SSC4D: variants seen among roughly 807,000 people sequenced by gnomAD.
SSC4D encodes the protein scavenger receptor cysteine-rich domain-containing group B protein.
In SSC4D, 57 loss-of-function variants were observed where a neutral mutation model predicts 63.4. That is an observed-to-expected ratio of 0.90 (90% CI 0.73 to 1.12). The LOEUF (loss-of-function observed/expected upper bound fraction) is 1.12. Among genes scored for constraint, SSC4D ranks in the 50% most tolerant of loss-of-function variants. The pLI is 0.00. For missense variants in SSC4D, 791 were observed against 806.4 expected, an observed-to-expected ratio of 0.98 and a Z score of 0.23; for synonymous variants, 352 against 345.4, an observed-to-expected ratio of 1.02 and a Z score of -0.21.
At chr7:76,395,214 T>A (rs1804608527) in intron 7 of SSC4D, 39 bp downstream of exon 7, 2 of 1,609,378 alleles carry the variant, frequency 1.2e-6, no homozygotes, top group Non-Finnish European at 1.7e-6. Flanking sequence ...GCACCCACCA[T>A]ACCCCTACCA....
chr7:76,408,611 G>A (rs951158663), intron 1 of SSC4D, among the ~76,000 whole-genome samples: 4 of 152,076 alleles, frequency 2.6e-5, no homozygotes, highest in East Asian at 1.9e-4. Flanking sequence ...CAGCCCAGGC[G>A]TGAGGGAGAA....
In SSC4D at chr7:76,391,979, G is replaced by A. The variant is rs779007416; in HGVS notation, c.1396C>T (p.Pro466Ser). 1.5e-5 allele frequency: 24 copies of A among 1,595,392 alleles called. No individual in the cohort carries two copies. In the South Asian group the frequency reaches 1.7e-4, roughly 11 times the overall value. The change falls in exon 10 of 11, where the codon CCT (proline) becomes TCT (serine). Residue 466 changes from proline to serine, a missense_variant. Physicochemically the swap from Pro to Ser is moderately conservative, Grantham distance 74. Transcript: ENST00000275560. ...GGGCACCTACCGTCCCTGGGCCGAGGAGTGGGCACCCGCGTGGTCTCAGAA... is the reference window on the plus strand; with the variant it reads ...GGGCACCTACCGTCCCTGGGCCGAGAAGTGGGCACCCGCGTGGTCTCAGAA... ...DGSETTRVPTPRPRDGHLRLV... is the reference protein window; with the variant it reads ...DGSETTRVPTSRPRDGHLRLV...
chr7:76,402,101 C>T (rs1374336484), intron 2 of SSC4D, among the ~76,000 whole-genome samples: 3 of 151,830 alleles, frequency 2.0e-5, no homozygotes, highest in Non-Finnish European at 2.9e-5. Context: ...CTCACTGCAC[C>T]CTCCAATACC....
intron 7 of SSC4D, 26 bp from the exon 8 acceptor site, chr7:76,393,930 T>C (rs767659034): frequency 2.5e-6 from 4 of 1,579,662 alleles, no homozygotes; most frequent in Non-Finnish European, 3.4e-6. Context: ...ATCTAGGGCG[T>C]TCGAAGGGGA....
chr7:76,400,895 G>T, intron 3 of SSC4D, 113 bp downstream of exon 3: 1 of 1,384,102 alleles, frequency 7.2e-7, no homozygotes, highest in Non-Finnish European at 1.0e-6. Flanking sequence ...CTGAGATGGG[G>T]GCATCTAGAG....
In SSC4D at chr7:76,389,753, G is replaced by A. The variant is rs544989822; in HGVS notation, c.*306C>T. On this transcript the variant is annotated 3_prime_UTR_variant, in exon 11 of 11. Coordinates refer to ENST00000275560, the MANE Select transcript of SSC4D (RefSeq NM_080744.2). ...GGCAGAGTCTGGTGCTATAAAAAGAGCCCCACCAAACAGAAGAGTTAGGAA... is the reference window on the plus strand; with the variant it reads ...GGCAGAGTCTGGTGCTATAAAAAGAACCCCACCAAACAGAAGAGTTAGGAA... 1.3e-4 allele frequency: 50 copies of A among 372,594 alleles called. No individual in the cohort carries two copies. The highest frequency in any genetic ancestry group is 1.9e-4 in the Non-Finnish European group (39 of 203,264). The allele number at this position is 372,594 out of a possible 1,614,324, so 23.1% of individuals were successfully genotyped here.
At chr7:76,395,779 C>T (rs575618015) in intron 6 of SSC4D, among the ~76,000 whole-genome samples, 4 of 152,356 alleles carry the variant, frequency 2.6e-5, no homozygotes, top group Admixed American at 1.3e-4. Flanking sequence ...GCAACCTCCG[C>T]CTCCCAGGTT....
At chr7:76,396,831 T>C (rs1327233426) in intron 6 of SSC4D, among the ~76,000 whole-genome samples, 1 of 152,146 alleles carries the variant, frequency 6.6e-6, no homozygotes, top group African/African-American at 2.4e-5. Context: ...CCCTCCCAAA[T>C]TGGAGAGGGC....
At chr7:76,391,401 G>A (rs1057472486) in intron 10 of SSC4D, among the ~76,000 whole-genome samples, 1 of 152,036 alleles carries the variant, frequency 6.6e-6, no homozygotes, top group Non-Finnish European at 1.5e-5. Context: ...CTCCAGCCTG[G>A]GTGACAGAGC....
chr7:76,390,217 C>G lies in SSC4D; in HGVS notation c.1570G>C (p.Gly524Arg). 6.2e-7 allele frequency: 1 copy of G among 1,614,174 alleles called. No individual in the cohort carries two copies. The highest frequency in any genetic ancestry group is 8.5e-7 in the Non-Finnish European group (1 of 1,180,012). The change falls in exon 11 of 11, where the codon GGC (glycine) becomes CGC (arginine). Residue 524 changes from glycine to arginine, a missense_variant. Gly to Arg is a moderately radical substitution (Grantham distance 125, BLOSUM62 -2). Transcript: ENST00000275560. ...LGCGQALAAPGEAHFGPGRGP... is the reference protein window; with the variant it reads ...LGCGQALAAPREAHFGPGRGP... ...CGGCCTGGGCCAAAGTGAGCCTCGC[C>G]AGGGGCTGCGAGGGCCTGGCCACAG...
Position 76,393,364 on chromosome 7 carries a change from C to G in SSC4D, c.1333+41G>C, listed in dbSNP as rs912806120. The G allele has an allele frequency of 5.3e-6, 7 of 1,324,064 alleles. No homozygotes were observed. The South Asian group carries it at 8.3e-5, about 16-fold the overall frequency. The allele number at this position is 1,324,064 out of a possible 1,614,324, so 82.0% of individuals were successfully genotyped here. On this transcript the variant is annotated intron_variant, in intron 9 of 10. Transcript: ENST00000275560. ...GCCCCGCCCCTCCCACGCCGCAGTG[C>G]GCGGCCCCGCTGTCAGCCTCACCTT...
In SSC4D at chr7:76,397,724, G is replaced by A. The variant is rs1225574348; in HGVS notation, c.662C>T (p.Pro221Leu). ...GTVCDDDWGL[P>L]DAAVVCRQLG... ...CTGACGACAGACCACAGCGGCATCC[G>A]GCAGCCCCCAGTCGTCGTCACACAC... The change falls in exon 6 of 11, where the codon CCG becomes CTG. Residue 221 changes from proline (P) to leucine (L), a missense_variant. Physicochemically the swap from Pro to Leu is moderately conservative, Grantham distance 98. Transcript: ENST00000275560. 23 of 1,613,200 alleles carry A rather than the reference G, an allele frequency of 1.4e-5. No individual in the cohort carries two copies. Among genetic ancestry groups the A allele is most frequent in the Non-Finnish European group, 1.9e-5 (23 of 1,179,824 alleles).
intron 7 of SSC4D, among the ~76,000 whole-genome samples, chr7:76,394,761 AT>A (rs1235583699): frequency 8.4e-4 from 120 of 143,152 alleles, no homozygotes; most frequent in South Asian, 3.7e-3. Flanking sequence ...ATATATATAT[AT>A]ATATATAAAA....
At position 76,409,510 on chromosome 7, in the gene SSC4D, A is replaced by T; in HGVS notation, c.-163T>A. 1 of 152,298 alleles carries T rather than the reference A, an allele frequency of 6.6e-6. No homozygotes were observed. The highest frequency in any genetic ancestry group is 1.9e-4 in the East Asian group (1 of 5,200). The allele number at this position is 152,298 out of a possible 1,614,324, so 9.4% of individuals were successfully genotyped here. A position where few individuals can be genotyped will look rare whatever the true frequency, so the allele number is the denominator to read the frequency against. ...CCCTGGAAGTTTAGGAGGAGGAAGGATCTTCCAAATGGAAATCAACACAGG... is the reference window on the plus strand; with the variant it reads ...CCCTGGAAGTTTAGGAGGAGGAAGGTTCTTCCAAATGGAAATCAACACAGG... On this transcript the variant is annotated 5_prime_UTR_variant, in exon 1 of 11. Transcript: ENST00000275560.
intron 1 of SSC4D, among the ~76,000 whole-genome samples, chr7:76,407,038 G>A (rs963644796): frequency 6.6e-6 from 1 of 152,078 alleles, no homozygotes. Flanking sequence ...TCAGCTCACT[G>A]CAACCTCCAC....
chr7:76,397,543 G>T lies in SSC4D; in HGVS notation c.843C>A (p.His281Gln). 1.3e-6 allele frequency: 2 copies of T among 1,587,792 alleles called. No individual in the cohort carries two copies. Among genetic ancestry groups the T allele is most frequent in the African/African-American group, 1.3e-5 (1 of 74,198 alleles). The change falls in exon 6 of 11, where the codon CAC becomes CAA. Residue 281 changes from histidine (H) to glutamine (Q), a missense_variant. Transcript: ENST00000275560. ...LGWGVHNCGH[H>Q]EDAGALCAGL... The stretch of plus-strand genomic sequence containing the variant: ...CTGCGCAGAGCGCGCCCGCGTCCTC[G>T]TGGTGGCCGCAGTTGTGCACACCCC...
intron 4 of SSC4D, among the ~76,000 whole-genome samples, chr7:76,399,680 C>T (rs1804752717): frequency 6.6e-6 from 1 of 152,070 alleles, no homozygotes. Flanking sequence ...GGACCGCCCC[C>T]AACACCTTGC....
At chr7:76,400,877 C>T in intron 3 of SSC4D, 131 bp downstream of exon 3, 6 of 1,283,798 alleles carry the variant, frequency 4.7e-6, no homozygotes, top group Non-Finnish European at 5.5e-6. Context: ...GGGGAGACTA[C>T]AGCTCCCCTG....
chr7:76,390,918 C>T (rs574026620), intron 10 of SSC4D, among the ~76,000 whole-genome samples: 14 of 152,160 alleles, frequency 9.2e-5, no homozygotes, highest in African/African-American at 2.6e-4. Flanking sequence ...GCCCAGAAGC[C>T]GGACAGCAGC....
Sources: allele counts gnomAD v4.1 joint callset (sites outside exome capture counted in the v4.1 genomes callset), GRCh38; gene constraint gnomAD v4.1.1; transcripts MANE v1.5; gene names NCBI Gene and HGNC (gene_info 2026-07-23, HGNC 2026-07-21).